The following TEAD2 variants were observed in gnomAD, a reference collection of about 807,000 sequenced individuals.
The protein encoded by TEAD2 is transcriptional enhancer factor TEF-4.
TEAD2 carries 51 observed loss-of-function variants against 61.4 expected under a neutral mutation model. That is an observed-to-expected ratio of 0.83 (90% confidence interval 0.66 to 1.05). The LOEUF (loss-of-function observed/expected upper bound fraction) is 1.05. TEAD2 is among the 50% of genes least tolerant of loss of function. The pLI is 0.00. For synonymous variants in TEAD2, 244 were observed against 243.2 expected (o/e 1.00, Z -0.03); for missense variants, 509 against 600.0 (o/e 0.85, Z 1.58).
chr19:49,348,961 C>T lies in TEAD2; in HGVS notation c.605-116G>A, dbSNP rs1971829072. The T allele has an allele frequency of 2.9e-6, 4 of 1,356,860 alleles. No homozygotes were observed. The South Asian group carries it at 4.9e-5, about 17-fold the overall frequency. 84.1% of individuals were successfully genotyped at this position (1,356,860 alleles called of 1,614,324 possible). A position where few individuals can be genotyped will look rare whatever the true frequency, so the allele number is the denominator to read the frequency against. On this transcript the variant is annotated intron_variant, in intron 8 of 12. Transcript: ENST00000593945. ...CTGAAAAAGCTAAATACTCACTTTC[C>T]CAGCCTCCCTTGCAGTTAGAAGTGG...
Position 49,357,320 on chromosome 19 carries a change from A to G in TEAD2, c.298-6T>C. 2.5e-6 allele frequency: 4 copies of G among 1,613,678 alleles called. No homozygotes were observed. The highest frequency in any genetic ancestry group is 2.5e-6 in the Non-Finnish European group (3 of 1,179,886). ...ACCTGGATGTGACTAGAAACCTGGA[A>G]GGATCAACGGAGAAGCAGATTCAGG... On this transcript the variant is annotated splice_polypyrimidine_tract_variant and splice_region_variant and intron_variant, in intron 3 of 12. Transcript: ENST00000593945.
At chr19:49,351,110 C>T (rs970845270) in intron 8 of TEAD2, among the ~76,000 whole-genome samples, 191 bp downstream of exon 8, 4 of 151,952 alleles carry the variant, frequency 2.6e-5, no homozygotes, top group South Asian at 2.1e-4. Context: ...ACCCAGGAGG[C>T]GGAGGTTGCA....
intron 3 of TEAD2, among the ~76,000 whole-genome samples, chr19:49,358,044 C>A (rs1279776998): frequency 6.6e-6 from 1 of 151,892 alleles, no homozygotes; most frequent in Non-Finnish European, 1.5e-5. Flanking sequence ...ACCAGCCTGC[C>A]CAGCATGGCG....
rs1240623196 is a variant in TEAD2 at position 49,360,046 on chromosome 19, C to T, written c.30G>A (p.Leu10=). MGEPRAGAA[L]DDGSGWTGSE... ...TGCCCGTCCAGCCGCTGCCATCGTCCAGGGCGGCCCCAGCCCGGGGTTCCC... is the reference window on the plus strand; with the variant it reads ...TGCCCGTCCAGCCGCTGCCATCGTCTAGGGCGGCCCCAGCCCGGGGTTCCC... Residue 10 remains leucine (L), a synonymous_variant, in exon 2 of 13, where the codon CTG becomes CTA. Coordinates refer to ENST00000593945, the MANE Select transcript of TEAD2 (RefSeq NM_001256660.2). 1.9e-6 allele frequency: 3 copies of T among 1,607,624 alleles called. No homozygotes were observed. In the South Asian group the frequency reaches 3.3e-5, roughly 18 times the overall value.
At chr19:49,358,719 G>A (rs1716525119) in intron 3 of TEAD2, among the ~76,000 whole-genome samples, 3 of 148,568 alleles carry the variant, frequency 2.0e-5, no homozygotes, top group African/African-American at 2.5e-5. Flanking sequence ...TGCAACCTCC[G>A]CCTCCCGGGT....
intron 9 of TEAD2, 55 bp from the exon 10 acceptor site, chr19:49,347,418 G>C (rs2146370785): frequency 1.9e-6 from 3 of 1,580,190 alleles, no homozygotes; most frequent in Non-Finnish European, 2.6e-6. Context: ...TCTCCAGCCT[G>C]TGCTGCCTGA....
rs941286576 is a variant in TEAD2 at position 49,359,357 on chromosome 19, C to T, written c.297+78G>A. 2.9e-6 allele frequency: 4 copies of T among 1,389,058 alleles called. No individual in the cohort carries two copies. The highest frequency in any genetic ancestry group is 4.1e-6 in the Non-Finnish European group (4 of 979,680). 86.0% of individuals were successfully genotyped at this position (1,389,058 alleles called of 1,614,324 possible). ...CACAGGAAGCAGCTTCTTCCTTGAA[C>T]CTGAACCTGCCCATGCGAGGATGAC... On this transcript the variant is annotated intron_variant, in intron 3 of 12. Coordinates refer to ENST00000593945, the MANE Select transcript of TEAD2 (RefSeq NM_001256660.2). This position sits in a 1 kb window ranked among gnomAD's most constrained non-coding sequence, Gnocchi z 4.1.
chr19:49,352,526 C>T (rs1279084340), intron 7 of TEAD2, among the ~76,000 whole-genome samples: 1 of 152,088 alleles, frequency 6.6e-6, no homozygotes, highest in Non-Finnish European at 1.5e-5. Flanking sequence ...CTGGGCAACA[C>T]AGCAAGACCC....
intron 10 of TEAD2, among the ~76,000 whole-genome samples, chr19:49,346,458 A>G (rs1446150885): frequency 6.6e-6 from 1 of 152,084 alleles, no homozygotes; most frequent in Non-Finnish European, 1.5e-5. Context: ...GGAGTTCAAG[A>G]CCAGCCTGGC....
rs552265727 is a variant in TEAD2 at position 49,347,171 on chromosome 19, T to C, written c.921+19A>G. 1 of 1,611,072 alleles carries C rather than the reference T, an allele frequency of 6.2e-7. No individual in the cohort carries two copies. The highest frequency in any genetic ancestry group is 2.2e-5 in the East Asian group (1 of 44,790). On this transcript the variant is annotated intron_variant, in intron 10 of 12. Coordinates refer to ENST00000593945, the MANE Select transcript of TEAD2 (RefSeq NM_001256660.2). ...CCACAGGATTTGTGAGCACTTTTGA[T>C]TTTGCTGTGAGAACTCACCCAGAAC...
At chr19:49,357,200 C>G in intron 4 of TEAD2, 52 bp downstream of exon 4, 6 of 1,538,958 alleles carry the variant, frequency 3.9e-6, no homozygotes, top group Non-Finnish European at 5.4e-6. Flanking sequence ...GGGTCTCGGT[C>G]CCCCACCCCC....
At chr19:49,355,264 A>T in intron 6 of TEAD2, 48 bp downstream of exon 6, 1 of 1,613,648 alleles carries the variant, frequency 6.2e-7, no homozygotes. Context: ...CTGCAGCCCC[A>T]TCCATCCCCC....
chr19:49,360,243 C>A (rs1972747458), intron 1 of TEAD2, 162 bp from the exon 2 acceptor site: 1 of 626,298 alleles, frequency 1.6e-6, no homozygotes, highest in Non-Finnish European at 2.8e-6. Flanking sequence ...ATTCCTGGGT[C>A]TGAGGGAGGA....
intron 9 of TEAD2, among the ~76,000 whole-genome samples, chr19:49,347,948 C>T (rs963037134): frequency 4.6e-5 from 7 of 152,130 alleles, no homozygotes; most frequent in African/African-American, 7.2e-5. Flanking sequence ...TTTCCCAGGC[C>T]GCTTTGCAGT....
chr19:49,357,646 C>T (rs1307303819), intron 3 of TEAD2: 4 of 399,454 alleles, frequency 1.0e-5, no homozygotes, highest in South Asian at 3.4e-5. Context: ...TGATACAGTT[C>T]GGACATTCGT....
intron 9 of TEAD2, 197 bp from the exon 10 acceptor site, chr19:49,347,560 C>T: frequency 3.3e-6 from 2 of 610,078 alleles, no homozygotes; most frequent in Non-Finnish European, 5.7e-6. Flanking sequence ...GCCCTGCAGT[C>T]CTACAGTCCC....
intron 10 of TEAD2, among the ~76,000 whole-genome samples, chr19:49,343,980 G>A (rs970370701): frequency 4.6e-5 from 7 of 151,954 alleles, no homozygotes; most frequent in Admixed American, 2.0e-4. Flanking sequence ...TGAGTAGCTA[G>A]GACCACAGGT....
At chr19:49,357,461 C>G in intron 3 of TEAD2, 147 bp from the exon 4 acceptor site, 4 of 830,758 alleles carry the variant, frequency 4.8e-6, no homozygotes, top group Non-Finnish European at 2.0e-6. Context: ...TCGGGAGCAC[C>G]CGAACACAGA....
intron 7 of TEAD2, among the ~76,000 whole-genome samples, chr19:49,353,472 C>T (rs1292371022): frequency 6.6e-6 from 1 of 152,140 alleles, no homozygotes. Context: ...ACCCCTAGAA[C>T]TTTCTCCTCC....
Sources: gnomAD v4.1 joint callset for allele counts (sites outside exome capture counted in the v4.1 genomes callset) on GRCh38, gnomAD v4.1.1 for gene constraint, Gnocchi (gnomAD v3.1) non-coding constraint, MANE v1.5 for transcripts, NCBI Gene and HGNC (gene_info 2026-07-23, HGNC 2026-07-21) for gene names.